Variants in CAMK1D observed in about 807,000 individuals in gnomAD.
The protein encoded by CAMK1D is calcium/calmodulin-dependent protein kinase type 1D.
A neutral mutation model predicts 47.7 loss-of-function variants in CAMK1D; 9 were observed. The ratio of observed to expected loss-of-function variants is 0.19; its 90% CI spans 0.11 to 0.33. The LOEUF (loss-of-function observed/expected upper bound fraction) is 0.33, where lower values mean the gene tolerates loss of function less well. Among genes scored for constraint, CAMK1D ranks in the 10% least tolerant of loss-of-function variants. The pLI, the probability that CAMK1D is intolerant of heterozygous loss-of-function variation, is 1.00. For synonymous variants in CAMK1D, 184 were observed against 184.9 expected, an observed-to-expected ratio of 0.99 and a Z score of 0.04; for missense variants, 291 against 488.7, an observed-to-expected ratio of 0.60 and a Z score of 3.81.
chr10:12,389,240 G>A (rs1019624826), intron 1 of CAMK1D, among the ~76,000 whole-genome samples: 1 of 152,196 alleles, frequency 6.6e-6, no homozygotes, highest in Non-Finnish European at 1.5e-5. Flanking sequence ...GGGGGCTGAG[G>A]GGCTTGGGTG....
At position 12,400,899 on chromosome 10, in the gene CAMK1D, T is replaced by G. The variant is rs1236338174; in HGVS notation, c.92+50989T>G. On this transcript the variant is annotated intron_variant, in intron 1 of 10. Transcript: ENST00000619168. ...TGGGAGGCCGAGGTGGGCAGATTGC[T>G]TGAGCCCAGGAGCTCAAGACCAACC... 2.7e-5 allele frequency among the ~76,000 whole-genome samples: 4 copies of G among 150,076 alleles called. No homozygotes were observed. The East Asian group carries it at 7.9e-4, about 30-fold the overall frequency.
intron 5 of CAMK1D, among the ~76,000 whole-genome samples, chr10:12,777,819 C>T (rs1588915067): frequency 6.6e-6 from 1 of 152,230 alleles, no homozygotes; most frequent in Admixed American, 6.5e-5. Flanking sequence ...GCCATGGCTT[C>T]TCCCTGCAAG....
Position 12,447,153 on chromosome 10 carries a change from G to A in CAMK1D, c.92+97243G>A, listed in dbSNP as rs77523935. Among the ~76,000 whole-genome samples the A allele has an allele frequency of 5.5e-3, 839 of 152,152 alleles. 44 individuals carry two copies. The East Asian group carries it at 0.12, about 22-fold the overall frequency. ...TCTTCTGCAGAATGGTCTGTATCTC[G>A]TGTTAGCTTCAGAAGGCACCACTTT... On this transcript the variant is annotated intron_variant, in intron 1 of 10. Coordinates refer to ENST00000619168, the MANE Select transcript of CAMK1D (RefSeq NM_153498.4).
chr10:12,363,295 C>T (rs1469038345), intron 1 of CAMK1D, among the ~76,000 whole-genome samples: 3 of 151,466 alleles, frequency 2.0e-5, no homozygotes, highest in African/African-American at 7.3e-5. Flanking sequence ...TGCTCTGTTG[C>T]CCTGGCTGGA....
At chr10:12,817,654 T>C (rs997594850) in intron 8 of CAMK1D, among the ~76,000 whole-genome samples, 29 of 152,210 alleles carry the variant, frequency 1.9e-4, no homozygotes, top group African/African-American at 6.8e-4. Context: ...AGAAACCCTC[T>C]GGTCCATCAG....
intron 2 of CAMK1D, among the ~76,000 whole-genome samples, chr10:12,650,849 A>G (rs547195370): frequency 1.3e-5 from 2 of 152,318 alleles, no homozygotes; most frequent in East Asian, 3.9e-4. Flanking sequence ...CAAGGATAAA[A>G]AGAGAGAGGA....
intron 10 of CAMK1D, among the ~76,000 whole-genome samples, chr10:12,827,334 T>TCTTCCTTCCTTCCTTCCTTC (rs146751622): frequency 8.2e-5 from 10 of 122,670 alleles, no homozygotes; most frequent in African/African-American, 3.0e-4. Context: ...CTCTCTCTTC[T>TCTTCCTTCCTTCCTTCCTTC]CTTCCTTCCT....
intron 2 of CAMK1D, among the ~76,000 whole-genome samples, chr10:12,595,904 A>C (rs12250197): frequency 0.029 from 4,443 of 152,250 alleles, 177 homozygotes; most frequent in African/African-American, 0.088. Flanking sequence ...ATCGCTTCCT[A>C]CTATGAGTAG....
chr10:12,546,940 G>C (rs561846259), intron 1 of CAMK1D, among the ~76,000 whole-genome samples: 24 of 152,092 alleles, frequency 1.6e-4, no homozygotes, highest in Non-Finnish European at 2.2e-4. Context: ...CACATGTACC[G>C]TAAAACTTAA....
intron 2 of CAMK1D, among the ~76,000 whole-genome samples, chr10:12,573,678 T>C (rs1056546647): frequency 1.3e-5 from 2 of 151,796 alleles, no homozygotes; most frequent in Non-Finnish European, 2.9e-5. Context: ...TTTTTGTTTT[T>C]GAGTCAGTTC....
At chr10:12,374,878 AGTT>A (rs1838127689) in intron 1 of CAMK1D, among the ~76,000 whole-genome samples, 1 of 145,966 alleles carries the variant, frequency 6.9e-6, no homozygotes, top group Non-Finnish European at 1.5e-5. Flanking sequence ...GGGAGGCGGA[AGTT>A]GTAGTGGGCC....
chr10:12,574,351 G>T (rs1837423979), intron 2 of CAMK1D, among the ~76,000 whole-genome samples: 1 of 151,716 alleles, frequency 6.6e-6, no homozygotes, highest in Non-Finnish European at 1.5e-5. Context: ...GCCTGGGCTG[G>T]AGTGCAGTGG....
chr10:12,386,508 G>T (rs1380270201), intron 1 of CAMK1D, among the ~76,000 whole-genome samples: 2 of 151,782 alleles, frequency 1.3e-5, no homozygotes, highest in East Asian at 3.8e-4. Flanking sequence ...ATTTAATAAT[G>T]TAAAATAAAC....
chr10:12,481,729 C>G (rs570181264), intron 1 of CAMK1D, among the ~76,000 whole-genome samples: 1 of 152,228 alleles, frequency 6.6e-6, no homozygotes, highest in South Asian at 2.1e-4. Context: ...AGGCTGGTCT[C>G]GAACTCCTGA....
chr10:12,456,334 T>G (rs1833242063), intron 1 of CAMK1D: 1 of 152,086 alleles, frequency 6.6e-6, no homozygotes, highest in African/African-American at 2.4e-5. Context: ...GGCTTTCAAG[T>G]CTTTTTGAGA....
At chr10:12,781,353 G>T (rs892208493) in intron 5 of CAMK1D, among the ~76,000 whole-genome samples, 17 of 152,250 alleles carry the variant, frequency 1.1e-4, no homozygotes, top group African/African-American at 3.4e-4. Flanking sequence ...GCACAGCAGT[G>T]CCGTTTGTGG....
intron 2 of CAMK1D, among the ~76,000 whole-genome samples, chr10:12,559,168 G>A (rs759999392): frequency 2.6e-5 from 4 of 151,992 alleles, no homozygotes; most frequent in Non-Finnish European, 5.9e-5. Flanking sequence ...AACTAGTCAG[G>A]TGTGGTGGTT....
At chr10:12,473,108 G>A (rs1285965578) in intron 1 of CAMK1D, among the ~76,000 whole-genome samples, 1 of 152,174 alleles carries the variant, frequency 6.6e-6, no homozygotes, top group African/African-American at 2.4e-5. Context: ...GGAGGGGAGA[G>A]GGTGCGCCAG....
intron 4 of CAMK1D, among the ~76,000 whole-genome samples, chr10:12,763,398 C>T (rs3802571): frequency 0.46 from 69,862 of 152,088 alleles, 16,362 homozygotes; most frequent in East Asian, 0.57. Flanking sequence ...TCCTTCTCTT[C>T]GTAGAAAGCT....
Sources: allele counts gnomAD v4.1 joint callset (sites outside exome capture counted in the v4.1 genomes callset), GRCh38; gene constraint gnomAD v4.1.1; transcripts MANE v1.5; gene names NCBI Gene and HGNC (gene_info 2026-07-23, HGNC 2026-07-21).